Variants in FBXO10 observed in about 807,000 individuals in gnomAD.
The protein encoded by FBXO10 is F-box protein 10.
A neutral mutation model predicts 80.7 loss-of-function variants in FBXO10; 39 were observed. The ratio of observed to expected loss-of-function variants is 0.48; its 90% confidence interval spans 0.37 to 0.63. The LOEUF (loss-of-function observed/expected upper bound fraction) is 0.63, where lower values mean the gene tolerates loss of function less well. Among genes scored for constraint, FBXO10 ranks in the 30% least tolerant of loss-of-function variants. The pLI, the probability that FBXO10 is intolerant of heterozygous loss-of-function variation, is 0.00. For synonymous variants in FBXO10, 449 were observed against 489.6 expected (o/e 0.92, Z 1.09); for missense variants, 1,025 against 1,269.0 (o/e 0.81, Z 2.92).
At chr9:37,522,461 CT>C in intron 7 of FBXO10, 1 of 1,043,046 alleles carries the variant, frequency 9.6e-7, no homozygotes, top group Non-Finnish European at 1.2e-6. Context: ...CTGTGATTAT[CT>C]TGTTTTCCCA....
At chr9:37,538,740 G>A (rs917347705) in intron 2 of FBXO10, among the ~76,000 whole-genome samples, 5 of 152,056 alleles carry the variant, frequency 3.3e-5, no homozygotes, top group Middle Eastern at 6.8e-3. Flanking sequence ...GGGCTCCGGG[G>A]GTTGACTGCA....
At chr9:37,571,070 G>T (rs1469980454) in intron 1 of FBXO10, among the ~76,000 whole-genome samples, 1 of 151,840 alleles carries the variant, frequency 6.6e-6, no homozygotes, top group South Asian at 2.1e-4. Flanking sequence ...ATATTACTTA[G>T]TTAAGAAATT....
At chr9:37,512,842 G>C in intron 10 of FBXO10, 121 bp from the exon 11 acceptor site, 1 of 1,003,708 alleles carries the variant, frequency 1.0e-6, no homozygotes, top group Non-Finnish European at 1.4e-6. Flanking sequence ...TCTGGGTGTA[G>C]GTTTTATCTT....
At chr9:37,569,449 G>C (rs1273545564) in intron 1 of FBXO10, among the ~76,000 whole-genome samples, 3 of 146,712 alleles carry the variant, frequency 2.0e-5, no homozygotes, top group Non-Finnish European at 4.5e-5. Context: ...AATTATACTT[G>C]GATATTTAAA....
chr9:37,565,259 G>A (rs1303518251), intron 1 of FBXO10, among the ~76,000 whole-genome samples: 1 of 152,108 alleles, frequency 6.6e-6, no homozygotes, highest in East Asian at 1.9e-4. Context: ...TTATAAATTA[G>A]TCTCAGATAT....
At chr9:37,556,841 A>G (rs10122666) in intron 1 of FBXO10, among the ~76,000 whole-genome samples, 84,351 of 152,038 alleles carry the variant, frequency 0.55, 24,378 homozygotes, top group African/African-American at 0.73. Flanking sequence ...CACCGCATCC[A>G]GCCTGTTCTG....
At chr9:37,553,893 G>A (rs1318657555) in intron 1 of FBXO10, among the ~76,000 whole-genome samples, 1 of 108,840 alleles carries the variant, frequency 9.2e-6, no homozygotes, top group Non-Finnish European at 1.7e-5. Flanking sequence ...TCCAGCCCGG[G>A]CAAAAAGAGC....
At chr9:37,544,836 T>C (rs1490985165) in intron 1 of FBXO10, among the ~76,000 whole-genome samples, 1 of 150,966 alleles carries the variant, frequency 6.6e-6, no homozygotes, top group Non-Finnish European at 1.5e-5. Context: ...CTACTAAAAA[T>C]ACAAAAAATT....
At chr9:37,555,584 T>A (rs1010609881) in intron 1 of FBXO10, among the ~76,000 whole-genome samples, 1 of 152,212 alleles carries the variant, frequency 6.6e-6, no homozygotes, top group Non-Finnish European at 1.5e-5. Flanking sequence ...TTTCATCATG[T>A]TGGCCAGGCT....
chr9:37,525,487 C>T (rs72739667), intron 5 of FBXO10, among the ~76,000 whole-genome samples: 1,532 of 152,268 alleles, frequency 0.01, 15 homozygotes, highest in South Asian at 0.028. Context: ...ATGCTATACA[C>T]GCACAATGAT....
intron 5 of FBXO10, among the ~76,000 whole-genome samples, chr9:37,526,835 T>C (rs1821487473): frequency 6.7e-6 from 1 of 148,542 alleles, no homozygotes; most frequent in Non-Finnish European, 1.5e-5. Flanking sequence ...ATTTATTTAT[T>C]TATTTATTTA....
intron 2 of FBXO10, among the ~76,000 whole-genome samples, chr9:37,538,599 T>C (rs1056316250): frequency 6.6e-6 from 1 of 151,460 alleles, no homozygotes; most frequent in Non-Finnish European, 1.5e-5. Context: ...TCCCAGCTAC[T>C]TGGGAGGCTG....
intron 1 of FBXO10, among the ~76,000 whole-genome samples, chr9:37,552,549 G>A (rs984740642): frequency 6.6e-6 from 1 of 152,006 alleles, no homozygotes. Context: ...AAAATTAGCC[G>A]GGCATGGTGG....
intron 1 of FBXO10, among the ~76,000 whole-genome samples, chr9:37,564,808 T>TA (rs1822564837): frequency 6.6e-6 from 1 of 152,208 alleles, no homozygotes; most frequent in Non-Finnish European, 1.5e-5. Context: ...AGAAGGGACT[T>TA]GCCTTGTCTC....
In FBXO10 at chr9:37,532,040, C is replaced by T. The variant is rs557560170; in HGVS notation, c.1438G>A (p.Asp480Asn). The change falls in exon 4 of 11, where the codon GAC becomes AAC. Residue 480 changes from aspartate to asparagine, a missense_variant. Asp to Asn is a conservative substitution (Grantham distance 23). Transcript: ENST00000432825. ...HNSKIIMLRN[D>N]IYRCRASGIF... ...CCTGACGCTCGGCAGCGGTAAATGT[C>T]GTTCCTGAGCATGATGATCTAAGCA... 5.6e-6 allele frequency: 9 copies of T among 1,613,574 alleles called. No homozygotes were observed. Among genetic ancestry groups the T allele is most frequent in the East Asian group, 4.5e-5 (2 of 44,868 alleles).
chr9:37,538,306 A>T (rs1313470810), intron 2 of FBXO10, among the ~76,000 whole-genome samples: 3 of 152,204 alleles, frequency 2.0e-5, no homozygotes, highest in Non-Finnish European at 4.4e-5. Context: ...GCTGGCAAAG[A>T]GTTCTGACTG....
rs1821808011 is a variant in FBXO10 at position 37,537,740 on chromosome 9, A to T, written c.789T>A (p.Ser263=). The part of the protein sequence containing the change: ...NNSVTVEGHP[S]ADKNWAYKYL... ...ACTTGTAGGCCCAGTTCTTATCTGC[A>T]GATGGGTGACCCTCAACAGTCACAG... Residue 263 remains serine, a synonymous_variant, in exon 3 of 11, where the codon TCT becomes TCA. Transcript: ENST00000432825. 1 of 1,613,920 alleles carries T rather than the reference A, an allele frequency of 6.2e-7. No individual in the cohort carries two copies. Among genetic ancestry groups the T allele is most frequent in the South Asian group, 1.1e-5 (1 of 91,088 alleles).
chr9:37,523,930 T>A (rs1054741844), intron 6 of FBXO10, among the ~76,000 whole-genome samples: 9 of 152,186 alleles, frequency 5.9e-5, no homozygotes, highest in South Asian at 4.1e-4. Context: ...TCAAAAAAAA[T>A]AAATAAATAA....
At chr9:37,533,010 C>A (rs779482778) in intron 3 of FBXO10, among the ~76,000 whole-genome samples, 5 of 152,184 alleles carry the variant, frequency 3.3e-5, no homozygotes, top group African/African-American at 1.2e-4. Context: ...TGGTGTATCA[C>A]CCTGGGGTGG....
Sources: gnomAD v4.1 joint callset for allele counts (sites outside exome capture counted in the v4.1 genomes callset) on GRCh38, gnomAD v4.1.1 for gene constraint, MANE v1.5 for transcripts, NCBI Gene and HGNC (gene_info 2026-07-23, HGNC 2026-07-21) for gene names.